Variants in DENND2B observed in about 807,000 individuals in gnomAD.
The protein encoded by DENND2B is DENN domain containing 2B, also known as DENN domain-containing protein 2B.
DENND2B carries 32 observed loss-of-function variants against 116.0 expected under a neutral mutation model. The observed-to-expected ratio is 0.28, with a 90% CI of 0.21 to 0.37. DENND2B has a LOEUF of 0.37. Among genes scored for constraint, DENND2B ranks in the 10% least tolerant of loss-of-function variants. The pLI is 1.00. For synonymous variants in DENND2B, 588 were observed against 583.9 expected (o/e 1.01, Z -0.10); for missense variants, 1,276 against 1,477.7 (o/e 0.86, Z 2.24).
intron 13 of DENND2B, among the ~76,000 whole-genome samples, chr11:8,704,606 C>T (rs1220252502): frequency 6.6e-6 from 1 of 152,346 alleles, no homozygotes; most frequent in Non-Finnish European, 1.5e-5. Context: ...TGGTCAGTCC[C>T]TCTCCCACTC....
At chr11:8,761,866 C>T (rs936387451) in intron 1 of DENND2B, among the ~76,000 whole-genome samples, 1 of 152,212 alleles carries the variant, frequency 6.6e-6, no homozygotes, top group Non-Finnish European at 1.5e-5. Flanking sequence ...ACGGAGACTA[C>T]TCCACCTCTA....
chr11:8,724,009 A>C (rs1031040621), intron 4 of DENND2B, among the ~76,000 whole-genome samples: 2 of 152,236 alleles, frequency 1.3e-5, no homozygotes, highest in African/African-American at 4.8e-5. Context: ...CCCTCTCTTC[A>C]TAAGATTCCA....
chr11:8,725,099 G>A (rs1383681553), intron 4 of DENND2B, among the ~76,000 whole-genome samples: 1 of 152,198 alleles, frequency 6.6e-6, no homozygotes, highest in African/African-American at 2.4e-5. Context: ...CATGAAACTG[G>A]GGCAATGAAA....
At chr11:8,880,749 A>G (rs1253033517) in intron 2 of DENND2B, among the ~76,000 whole-genome samples, 2 of 152,156 alleles carry the variant, frequency 1.3e-5, no homozygotes, top group African/African-American at 4.8e-5. Flanking sequence ...ACCTCCTCCT[A>G]ATACTGAATA....
At chr11:8,774,877 A>ATTTTTTTTTTTTTTTTTTT (rs1565919434) in intron 1 of DENND2B, among the ~76,000 whole-genome samples, 1 of 143,732 alleles carries the variant, frequency 7.0e-6, no homozygotes, top group African/African-American at 2.6e-5. Context: ...TTTTTTTTTA[A>ATTTTTTTTTTTTTTTTTTT]TTATTATTTT....
intron 1 of DENND2B, chr11:8,766,768 AC>A (rs1235766920): frequency 3.3e-5 from 35 of 1,076,268 alleles, no homozygotes; most frequent in Non-Finnish European, 4.4e-5. Flanking sequence ...ACAGGACTCA[AC>A]TTTTGTCATT....
intron 1 of DENND2B, among the ~76,000 whole-genome samples, chr11:8,780,058 G>T (rs548829905): frequency 1.2e-3 from 190 of 152,310 alleles, no homozygotes; most frequent in African/African-American, 4.4e-3. Flanking sequence ...GCAGGAGAAG[G>T]GGGGCAGTAT....
In DENND2B at chr11:8,693,565, G is replaced by A. The variant is rs2039792047; in HGVS notation, c.*531C>T. 1 of 152,836 alleles carries A rather than the reference G, an allele frequency of 6.5e-6. No individual in the cohort carries two copies. Among genetic ancestry groups the A allele is most frequent in the African/African-American group, 2.4e-5 (1 of 41,460 alleles). The allele number at this position is 152,836 out of a possible 1,614,324, so 9.5% of individuals were successfully genotyped here. On this transcript the variant is annotated 3_prime_UTR_variant, in exon 20 of 20. Coordinates refer to ENST00000313726, the MANE Select transcript of DENND2B (RefSeq NM_213618.2). ...AAGACCCTGGTGCCATGCTACAAAT[G>A]GGGACTGATTGGCCTTTGCCTTTCA...
At chr11:8,754,966 T>C (rs1296848390) in intron 1 of DENND2B, among the ~76,000 whole-genome samples, 1 of 152,258 alleles carries the variant, frequency 6.6e-6, no homozygotes, top group Admixed American at 6.5e-5. Flanking sequence ...GTACAACTCT[T>C]GTGAATATAT....
At chr11:8,886,025 C>T (rs571260693) in intron 1 of DENND2B, among the ~76,000 whole-genome samples, 5 of 152,134 alleles carry the variant, frequency 3.3e-5, no homozygotes, top group South Asian at 2.1e-4. Context: ...ATTGCAGCCT[C>T]GACCTCCCAG....
At chr11:8,823,878 G>A (rs187502615) in intron 4 of DENND2B, among the ~76,000 whole-genome samples, 31 of 151,196 alleles carry the variant, frequency 2.1e-4, no homozygotes, top group Non-Finnish European at 1.3e-4. Flanking sequence ...GTGACTTGAG[G>A]CCACTGCTCA....
intron 2 of DENND2B, among the ~76,000 whole-genome samples, chr11:8,880,345 CTGTG>C (rs56051922): frequency 7.4e-4 from 89 of 120,648 alleles, no homozygotes; most frequent in South Asian, 2.1e-3. Context: ...TCACTTTGAA[CTGTG>C]TGTGTGTGTG....
intron 1 of DENND2B, chr11:8,757,187 A>C (rs2053761295): frequency 2.3e-6 from 1 of 436,496 alleles, no homozygotes; most frequent in Admixed American, 2.6e-5. Flanking sequence ...TGAGTGTCAA[A>C]GACTCACTTT....
At chr11:8,909,216 G>C (rs1387972275) in intron 1 of DENND2B, among the ~76,000 whole-genome samples, 1 of 152,136 alleles carries the variant, frequency 6.6e-6, no homozygotes, top group Non-Finnish European at 1.5e-5. Context: ...GCAACATAGG[G>C]AGACCCTGTC....
At chr11:8,718,188 A>G (rs933596645) in intron 4 of DENND2B, 13 of 663,556 alleles carry the variant, frequency 2.0e-5, no homozygotes, top group Non-Finnish European at 3.2e-5. Context: ...TGGCTCAGCC[A>G]CCCCTGCCTG....
chr11:8,887,479 TTTTAC>T (rs2063975058), intron 1 of DENND2B, among the ~76,000 whole-genome samples: 1 of 152,210 alleles, frequency 6.6e-6, no homozygotes, highest in African/African-American at 2.4e-5. Context: ...CCTCACCTTA[TTTTAC>T]TTTACTTAAC....
At position 8,717,826 on chromosome 11, in the gene DENND2B, G is replaced by A. The variant is rs1305354558; in HGVS notation, c.1544C>T (p.Ser515Phe). 7.4e-6 allele frequency: 12 copies of A among 1,613,510 alleles called. No individual in the cohort carries two copies. The highest frequency in any genetic ancestry group is 1.7e-5 in the Admixed American group (1 of 59,938). The change falls in exon 5 of 20, where the codon TCC (serine) becomes TTC (phenylalanine). Residue 515 changes from serine to phenylalanine, a missense_variant. Physicochemically the swap from Ser to Phe is radical, Grantham distance 155. This residue lies in a region of DENND2B where 856 missense variants were observed against 846.6 expected (regional missense o/e 1.01). Coordinates refer to ENST00000313726, the MANE Select transcript of DENND2B (RefSeq NM_213618.2). ...DLKSRRAGRKSQQLSENSLDS... is the reference protein window; with the variant it reads ...DLKSRRAGRKFQQLSENSLDS... ...CAAGGAGTTCTCAGACAGTTGCTGGGATTTTCGTCCTGCTCTTCGGCTCTT... is the reference window on the plus strand; with the variant it reads ...CAAGGAGTTCTCAGACAGTTGCTGGAATTTTCGTCCTGCTCTTCGGCTCTT...
At chr11:8,818,134 C>T (rs563321011) in intron 4 of DENND2B, among the ~76,000 whole-genome samples, 2 of 27,836 alleles carry the variant, frequency 7.2e-5, no homozygotes, top group East Asian at 2.0e-3. Flanking sequence ...TGGTGGCAGG[C>T]GCCTGTAATC....
chr11:8,729,020 G>C (rs1161645111), intron 3 of DENND2B, among the ~76,000 whole-genome samples: 1 of 152,218 alleles, frequency 6.6e-6, no homozygotes, highest in Admixed American at 6.5e-5. Context: ...TCGGGGGTCT[G>C]AATCTTTGAA....
Sources: gnomAD v4.1 joint callset for allele counts (sites outside exome capture counted in the v4.1 genomes callset) on GRCh38, gnomAD v4.1.1 for gene constraint, gnomAD v4.1.1 regional missense constraint, MANE v1.5 for transcripts, NCBI Gene and HGNC (gene_info 2026-07-23, HGNC 2026-07-21) for gene names.